The following PARN variants were observed in gnomAD, a reference collection of about 807,000 sequenced individuals.
PARN encodes the protein poly(A)-specific ribonuclease, also known as poly(A)-specific ribonuclease PARN.
In PARN, 71 loss-of-function variants were observed where a neutral mutation model predicts 102.8. The ratio of observed to expected loss-of-function variants is 0.69; its 90% CI spans 0.57 to 0.84. The LOEUF (loss-of-function observed/expected upper bound fraction) is 0.84, where lower values mean the gene tolerates loss of function less well. Ranked by LOEUF, PARN falls within the 40% of genes least tolerant of loss-of-function variation. The probability of loss-of-function intolerance (pLI) is 0.00; values close to 1 mark genes in which losing one functional copy is unlikely to be tolerated. For synonymous variants in PARN, 261 were observed against 252.9 expected (o/e 1.03, Z -0.30); for missense variants, 782 against 760.9 (o/e 1.03, Z -0.33).
At chr16:14,472,441 C>T (rs1962801204) in intron 22 of PARN, among the ~76,000 whole-genome samples, 1 of 152,154 alleles carries the variant, frequency 6.6e-6, no homozygotes, top group Non-Finnish European at 1.5e-5. Context: ...TTCTTCCTTA[C>T]TTATTAAAGT....
chr16:14,458,106 G>A (rs1452282500), intron 22 of PARN, among the ~76,000 whole-genome samples: 1 of 152,076 alleles, frequency 6.6e-6, no homozygotes, highest in Non-Finnish European at 1.5e-5. Context: ...AAACTATTTT[G>A]AATATTTCAA....
At chr16:14,602,761 T>C (rs531672541) in intron 11 of PARN, among the ~76,000 whole-genome samples, 131 of 152,242 alleles carry the variant, frequency 8.6e-4, no homozygotes, top group African/African-American at 2.9e-3. Flanking sequence ...GAGGCTGTCA[T>C]GAAACAGTTC....
intron 21 of PARN, among the ~76,000 whole-genome samples, chr16:14,485,351 A>G (rs1327688838): frequency 2.0e-5 from 3 of 152,350 alleles, no homozygotes; most frequent in Admixed American, 6.5e-5. Flanking sequence ...TTCATATCCA[A>G]TAACCATTGT....
At chr16:14,495,216 T>C (rs1372766099) in intron 21 of PARN, among the ~76,000 whole-genome samples, 2 of 152,068 alleles carry the variant, frequency 1.3e-5, no homozygotes, top group Non-Finnish European at 2.9e-5. Flanking sequence ...CCAGGCATGG[T>C]GGCTCATGCC....
In PARN at chr16:14,485,837, G is replaced by A. The variant is rs569856193; in HGVS notation, c.1481-3010C>T. Among the ~76,000 whole-genome samples, 515 of 152,152 alleles carry A rather than the reference G, an allele frequency of 3.4e-3. 1 individual carries two copies. The highest frequency in any genetic ancestry group is 4.4e-3 in the Non-Finnish European group (301 of 68,006). ...TGAATAGCTTAAACTATAGGCGTGC[G>A]CCACGACGCCTGGCTAATTTTTGTA... On this transcript the variant is annotated intron_variant, in intron 21 of 23. Coordinates refer to ENST00000437198, the MANE Select transcript of PARN (RefSeq NM_002582.4).
chr16:14,445,959 T>G (rs1961181535), intron 23 of PARN, among the ~76,000 whole-genome samples: 1 of 152,228 alleles, frequency 6.6e-6, no homozygotes, highest in African/African-American at 2.4e-5. Context: ...GTAAAATGGA[T>G]AATGATGACT....
chr16:14,539,476 A>G (rs1966757900), intron 21 of PARN, among the ~76,000 whole-genome samples: 1 of 152,232 alleles, frequency 6.6e-6, no homozygotes, highest in Non-Finnish European at 1.5e-5. Context: ...ACGCTCTTAA[A>G]TCTGTCTGAT....
At chr16:14,527,001 GAAC>G (rs745592275) in intron 21 of PARN, among the ~76,000 whole-genome samples, 8 of 152,186 alleles carry the variant, frequency 5.3e-5, no homozygotes, top group Non-Finnish European at 7.3e-5. Context: ...GGAAGGCAGA[GAAC>G]AACAAACACT....
At chr16:14,493,308 T>C (rs978546070) in intron 21 of PARN, among the ~76,000 whole-genome samples, 2 of 152,184 alleles carry the variant, frequency 1.3e-5, no homozygotes, top group African/African-American at 4.8e-5. Flanking sequence ...CTCGAGTTTC[T>C]GGGCTCAAGC....
At chr16:14,524,397 G>C (rs1239653003) in intron 21 of PARN, among the ~76,000 whole-genome samples, 2 of 152,110 alleles carry the variant, frequency 1.3e-5, no homozygotes, top group Non-Finnish European at 1.5e-5. Flanking sequence ...TTATGAAAAA[G>C]ATCTTTACTC....
intron 14 of PARN, among the ~76,000 whole-genome samples, chr16:14,585,004 G>C (rs1228030573): frequency 6.6e-6 from 1 of 152,236 alleles, no homozygotes; most frequent in East Asian, 1.9e-4. Context: ...CGTTGGAGTA[G>C]GTACTCAGTC....
chr16:14,550,267 T>C (rs900820266), intron 21 of PARN, among the ~76,000 whole-genome samples: 14 of 151,972 alleles, frequency 9.2e-5, no homozygotes, highest in African/African-American at 2.4e-5. Context: ...AAAATCTCTA[T>C]GCAAAAATTA....
intron 5 of PARN, among the ~76,000 whole-genome samples, chr16:14,622,906 C>T (rs1393209226): frequency 6.6e-6 from 1 of 151,660 alleles, no homozygotes; most frequent in Non-Finnish European, 1.5e-5. Flanking sequence ...GAGTTCAAGA[C>T]GAGCCAAGGC....
At chr16:14,617,840 T>G (rs1181897849) in intron 5 of PARN, among the ~76,000 whole-genome samples, 190 bp from the exon 6 acceptor site, 1 of 152,172 alleles carries the variant, frequency 6.6e-6, no homozygotes. Context: ...TGGGCTCTTC[T>G]CCTTTATAGC....
chr16:14,574,071 G>A (rs1055493375), intron 18 of PARN, among the ~76,000 whole-genome samples: 10 of 152,194 alleles, frequency 6.6e-5, no homozygotes, highest in Non-Finnish European at 1.5e-4. Context: ...ATGTGGGAAA[G>A]TTTGGAACTC....
chr16:14,608,524 C>T (rs1161684980), intron 8 of PARN, among the ~76,000 whole-genome samples: 2 of 152,124 alleles, frequency 1.3e-5, no homozygotes, highest in Non-Finnish European at 2.9e-5. Flanking sequence ...TATTATGCTG[C>T]TTTTACTGAA....
intron 22 of PARN, among the ~76,000 whole-genome samples, chr16:14,465,335 G>C (rs1962265440): frequency 6.6e-6 from 1 of 152,050 alleles, no homozygotes; most frequent in Admixed American, 6.5e-5. Flanking sequence ...CTCCCAATGT[G>C]GTCTCCCAAA....
chr16:14,490,212 C>T (rs759436030), intron 21 of PARN, among the ~76,000 whole-genome samples: 17 of 152,152 alleles, frequency 1.1e-4, no homozygotes, highest in Non-Finnish European at 1.9e-4. Context: ...TATTTATTGG[C>T]TATTTCCTCT....
rs145284505 is a variant in PARN at position 14,456,229 on chromosome 16, G to A, written c.1671-9148C>T. Among the ~76,000 whole-genome samples the A allele has an allele frequency of 1.0e-3, 156 of 151,840 alleles. 8 individuals are homozygous for A. In the East Asian group the frequency reaches 0.017, roughly 16 times the overall value. On this transcript the variant is annotated intron_variant, in intron 22 of 23. Coordinates refer to ENST00000437198, the MANE Select transcript of PARN (RefSeq NM_002582.4). ...CTCTCACCTGGGCTAGAGAGCAGTG[G>A]TGCAATCACAGCTCACCGCAGCCTC... is the stretch of plus-strand genomic sequence containing the variant.
Sources: allele counts gnomAD v4.1 joint callset (sites outside exome capture counted in the v4.1 genomes callset), GRCh38; gene constraint gnomAD v4.1.1; transcripts MANE v1.5; gene names NCBI Gene and HGNC (gene_info 2026-07-23, HGNC 2026-07-21).